IPCEF1: variants seen among roughly 807,000 people sequenced by gnomAD.
IPCEF1 encodes the protein interactor protein for cytohesin exchange factors 1.
Under a neutral mutation model 50.9 loss-of-function variants are expected in IPCEF1, and 31 were observed. That is an observed-to-expected ratio of 0.61 (90% CI 0.46 to 0.82). The LOEUF (loss-of-function observed/expected upper bound fraction) is 0.82. Among genes scored for constraint, IPCEF1 ranks in the 40% least tolerant of loss-of-function variants. The pLI, the probability that IPCEF1 is intolerant of heterozygous loss-of-function variation, is 0.00. For missense variants in IPCEF1, 458 were observed against 514.0 expected, an observed-to-expected ratio of 0.89 and a Z score of 1.05; for synonymous variants, 181 against 192.0, an observed-to-expected ratio of 0.94 and a Z score of 0.47.
Position 154,347,261 on chromosome 6 carries a change from A to T in IPCEF1, c.-62+9411T>A, listed in dbSNP as rs142480342. On this transcript the variant is annotated intron_variant, in intron 1 of 11. Transcript: ENST00000367220. ...TAGTATATTCCCTCAGGACAGCTAT[A>T]TACTGGACGCTCAGGTCAAATAAGC... Among the ~76,000 whole-genome samples, 286 of 152,314 alleles carry T rather than the reference A, an allele frequency of 1.9e-3. 1 individual carries two copies. The highest frequency in any genetic ancestry group is 6.6e-3 in the African/African-American group (274 of 41,574).
chr6:154,162,232 T>C (rs1799085562), intron 11 of IPCEF1, among the ~76,000 whole-genome samples: 1 of 152,210 alleles, frequency 6.6e-6, no homozygotes, highest in African/African-American at 2.4e-5. Context: ...CTCACCAACT[T>C]TCCAGATCCC....
In IPCEF1 at chr6:154,226,052, A is replaced by G. The variant is rs1006185834; in HGVS notation, c.247-2809T>C. 3.9e-5 allele frequency among the ~76,000 whole-genome samples: 6 copies of G among 151,916 alleles called. No homozygotes were observed. In the East Asian group the frequency reaches 1.2e-3, roughly 29 times the overall value. ...TGCTGCTCCCCTTTTTCCTCTAACT[A>G]TGCCTTCTTCTCTTTCAGGGGTCTT... On this transcript the variant is annotated intron_variant, in intron 5 of 11. Coordinates refer to ENST00000367220, the MANE Select transcript of IPCEF1 (RefSeq NM_001130700.2).
chr6:154,303,975 C>T (rs1782865548), intron 1 of IPCEF1, among the ~76,000 whole-genome samples: 1 of 151,846 alleles, frequency 6.6e-6, no homozygotes, highest in Non-Finnish European at 1.5e-5. Context: ...ATCTGTGGTC[C>T]CAGCTACTCA....
chr6:154,343,868 A>T (rs1169939037), intron 1 of IPCEF1, among the ~76,000 whole-genome samples: 1 of 152,166 alleles, frequency 6.6e-6, no homozygotes, highest in Admixed American at 6.6e-5. Flanking sequence ...TCCACCCAAC[A>T]TGGAGATTCC....
intron 3 of IPCEF1, among the ~76,000 whole-genome samples, chr6:154,265,375 G>A (rs1300847720): frequency 6.6e-6 from 1 of 151,826 alleles, no homozygotes; most frequent in African/African-American, 2.4e-5. Flanking sequence ...CCACTTCCCA[G>A]GTTCAAGTGA....
chr6:154,323,188 G>C (rs894616207), intron 1 of IPCEF1, among the ~76,000 whole-genome samples: 1 of 151,982 alleles, frequency 6.6e-6, no homozygotes, highest in African/African-American at 2.4e-5. Flanking sequence ...ACTAGCCCCA[G>C]ATCTCCACGT....
At chr6:154,340,247 T>TATC (rs1468746499) in intron 1 of IPCEF1, among the ~76,000 whole-genome samples, 1 of 79,664 alleles carries the variant, frequency 1.3e-5, no homozygotes, top group Non-Finnish European at 2.9e-5. Context: ...TTTTTTAATT[T>TATC]ATTATTATTA....
intron 7 of IPCEF1, 102 bp from the exon 8 acceptor site, chr6:154,214,378 T>C: frequency 2.4e-6 from 2 of 835,562 alleles, no homozygotes; most frequent in Non-Finnish European, 4.2e-6. Flanking sequence ...GATTCTACCA[T>C]CAGTCTGCAC....
chr6:154,227,544 TC>T (rs1170118634), intron 5 of IPCEF1, among the ~76,000 whole-genome samples: 1 of 151,872 alleles, frequency 6.6e-6, no homozygotes, highest in Non-Finnish European at 1.5e-5. Context: ...CATGGTGAAA[TC>T]CCATCTCTGC....
rs536285260 is a variant in IPCEF1, at chr6:154,247,667, C to T, written c.37-179G>A. On this transcript the variant is annotated intron_variant, in intron 3 of 11. Coordinates refer to ENST00000367220, the MANE Select transcript of IPCEF1 (RefSeq NM_001130700.2). The stretch of plus-strand genomic sequence containing the variant: ...AGGCACAAAATGTGCTAATTAGAAT[C>T]AATATACATTGAGCTGAACCTGAAA... 1.4e-5 allele frequency: 7 copies of T among 506,788 alleles called. No homozygotes were observed. The East Asian group carries it at 2.1e-4, about 15-fold the overall frequency. The allele number at this position is 506,788 out of a possible 1,614,324, so 31.4% of individuals were successfully genotyped here. A position where few individuals can be genotyped will look rare whatever the true frequency, so the allele number is the denominator to read the frequency against.
At chr6:154,309,596 A>T (rs756620136) in intron 1 of IPCEF1, among the ~76,000 whole-genome samples, 2 of 152,022 alleles carry the variant, frequency 1.3e-5, no homozygotes, top group Non-Finnish European at 2.9e-5. Flanking sequence ...GTTCTTGGAG[A>T]AGGCATATTT....
intron 10 of IPCEF1, among the ~76,000 whole-genome samples, chr6:154,198,185 T>G (rs1004586158): frequency 6.6e-6 from 1 of 152,114 alleles, no homozygotes; most frequent in African/African-American, 2.4e-5. Flanking sequence ...CAAAAAAAAG[T>G]TCTTATGCTG....
intron 1 of IPCEF1, among the ~76,000 whole-genome samples, chr6:154,295,307 C>T (rs533291926): frequency 1.2e-4 from 18 of 152,362 alleles, no homozygotes; most frequent in East Asian, 3.9e-4. Flanking sequence ...ACAGCAACCC[C>T]GTGAAGGTGG....
intron 7 of IPCEF1, among the ~76,000 whole-genome samples, chr6:154,219,701 TG>T (rs1420688977): frequency 3.9e-5 from 6 of 152,160 alleles, no homozygotes; most frequent in Non-Finnish European, 8.8e-5. Context: ...TTCGTGTATC[TG>T]TTCTTATTTT....
intron 11 of IPCEF1, among the ~76,000 whole-genome samples, chr6:154,161,838 G>A (rs1281462682): frequency 6.6e-6 from 1 of 152,174 alleles, no homozygotes; most frequent in African/African-American, 2.4e-5. Context: ...AGGACAGCAT[G>A]TGTGAAACTA....
intron 9 of IPCEF1, among the ~76,000 whole-genome samples, chr6:154,210,170 G>A (rs1001058529): frequency 6.6e-6 from 1 of 152,188 alleles, no homozygotes; most frequent in Non-Finnish European, 1.5e-5. Flanking sequence ...GGCCCTCCAT[G>A]ATATGGCTAC....
chr6:154,241,695 A>C (rs924708565), intron 5 of IPCEF1, among the ~76,000 whole-genome samples: 1 of 152,092 alleles, frequency 6.6e-6, no homozygotes, highest in Non-Finnish European at 1.5e-5. Flanking sequence ...TTTTCTCACC[A>C]TCTCCTAACT....
At chr6:154,287,682 C>G (rs1324286928) in intron 2 of IPCEF1, among the ~76,000 whole-genome samples, 1 of 152,096 alleles carries the variant, frequency 6.6e-6, no homozygotes, top group Non-Finnish European at 1.5e-5. Context: ...ATTCAGTCTT[C>G]CAACAAACAC....
chr6:154,326,726 C>T (rs2206571), intron 1 of IPCEF1, among the ~76,000 whole-genome samples: 117,535 of 152,110 alleles, frequency 0.77, 45,774 homozygotes, highest in East Asian at 0.89. Context: ...TTAAAATTCA[C>T]ATGGAACCAA....
Sources: gnomAD v4.1 joint callset for allele counts (sites outside exome capture counted in the v4.1 genomes callset) on GRCh38, gnomAD v4.1.1 for gene constraint, MANE v1.5 for transcripts, NCBI Gene and HGNC (gene_info 2026-07-23, HGNC 2026-07-21) for gene names.